NTRK3: variants seen among roughly 807,000 people sequenced by gnomAD.
The protein encoded by NTRK3 is neurotrophic receptor tyrosine kinase 3.
Under a neutral mutation model 91.7 loss-of-function variants are expected in NTRK3, and 24 were observed. The observed-to-expected ratio is 0.26, with a 90% CI of 0.19 to 0.37. The LOEUF (loss-of-function observed/expected upper bound fraction) is 0.37, where lower values mean the gene tolerates loss of function less well. NTRK3 is among the 10% of genes least tolerant of loss of function. NTRK3 has a pLI of 1.00. For missense variants in NTRK3, 880 were observed against 1,068.9 expected (o/e 0.82, Z 2.46); for synonymous variants, 483 against 404.0 (o/e 1.20, Z -2.34).
chr15:88,184,181 C>T, intron 4 of NTRK3, 44 bp downstream of exon 4: 1 of 1,595,464 alleles, frequency 6.3e-7, no homozygotes, highest in Non-Finnish European at 8.6e-7. Context: ...GTGGCATCCA[C>T]CCCTTCCACA....
chr15:88,089,673 A>C (rs895605090), intron 13 of NTRK3, among the ~76,000 whole-genome samples: 10 of 152,046 alleles, frequency 6.6e-5, no homozygotes, highest in African/African-American at 2.4e-4. Context: ...CAGCCTCCTG[A>C]CCCTCCTTCC....
intron 13 of NTRK3, among the ~76,000 whole-genome samples, chr15:88,063,626 G>A (rs2046401341): frequency 6.6e-6 from 1 of 152,192 alleles, no homozygotes; most frequent in Non-Finnish European, 1.5e-5. Flanking sequence ...CAGTGAGTGT[G>A]TCCATCACAT....
intron 13 of NTRK3, among the ~76,000 whole-genome samples, chr15:88,106,292 T>C (rs140332301): frequency 6.6e-6 from 1 of 152,316 alleles, no homozygotes; most frequent in East Asian, 1.9e-4. Context: ...GCTGAAAACA[T>C]GCACAGAGGG....
At chr15:87,978,242 G>T (rs2073900425) in intron 14 of NTRK3, 1 of 231,020 alleles carries the variant, frequency 4.3e-6, no homozygotes, top group African/African-American at 2.2e-5. Flanking sequence ...TTGGGAGAGG[G>T]TGGCCATGGA....
chr15:88,249,684 T>C (rs1010019332), intron 3 of NTRK3, among the ~76,000 whole-genome samples: 1 of 152,140 alleles, frequency 6.6e-6, no homozygotes, highest in African/African-American at 2.4e-5. Context: ...CACTGGGCCC[T>C]GAGCTTTGGT....
intron 5 of NTRK3, among the ~76,000 whole-genome samples, chr15:88,164,024 C>T (rs1271096442): frequency 1.3e-5 from 2 of 152,204 alleles, no homozygotes; most frequent in Non-Finnish European, 2.9e-5. Context: ...AATCATTCAA[C>T]ACTAATTAGG....
chr15:88,182,590 C>T (rs530538864), intron 5 of NTRK3, among the ~76,000 whole-genome samples: 2 of 152,310 alleles, frequency 1.3e-5, no homozygotes, highest in South Asian at 4.1e-4. Flanking sequence ...TCTTTGGGAA[C>T]ATGCCCAAAG....
At position 88,235,857 on chromosome 15, in the gene NTRK3, C is replaced by T. The variant is rs577021276; in HGVS notation, c.248+20049G>A. ...AACAGGATCCCAGCTCTGCCACCTA[C>T]CAGTTGGATGACCTTGAACAAGTGA... is the stretch of plus-strand genomic sequence containing the variant. On this transcript the variant is annotated intron_variant, in intron 3 of 18. Coordinates refer to ENST00000394480, the Ensembl canonical transcript of NTRK3. This position sits in a 1 kb window ranked among gnomAD's most constrained non-coding sequence, Gnocchi z 5.2. Among the ~76,000 whole-genome samples the T allele has an allele frequency of 2.0e-5, 3 of 152,332 alleles. No homozygotes were observed. The East Asian group carries it at 5.8e-4, about 29-fold the overall frequency.
chr15:88,034,698 T>C (rs1205003583), intron 13 of NTRK3, among the ~76,000 whole-genome samples: 1 of 152,182 alleles, frequency 6.6e-6, no homozygotes, highest in Non-Finnish European at 1.5e-5. Context: ...GAGGCAGAAC[T>C]AAATGGGAGA....
intron 13 of NTRK3, among the ~76,000 whole-genome samples, chr15:88,092,266 C>G (rs77886232): frequency 0.024 from 3,635 of 152,276 alleles, 127 homozygotes; most frequent in African/African-American, 0.081. Flanking sequence ...GGCTGGGCCA[C>G]GTCTCTAGTC....
At chr15:87,977,196 T>A (rs959899730) in intron 14 of NTRK3, among the ~76,000 whole-genome samples, 1 of 152,194 alleles carries the variant, frequency 6.6e-6, no homozygotes, top group African/African-American at 2.4e-5. Context: ...AGACTCTCAA[T>A]GAAAGCAACC....
chr15:87,896,121 A>G (rs1256809469), intron 17 of NTRK3, among the ~76,000 whole-genome samples: 4 of 152,178 alleles, frequency 2.6e-5, no homozygotes. Context: ...GGACCTCATG[A>G]GGGCTGTGTC....
At chr15:88,071,422 T>C (rs889574830) in intron 13 of NTRK3, among the ~76,000 whole-genome samples, 2 of 152,270 alleles carry the variant, frequency 1.3e-5, no homozygotes, top group African/African-American at 4.8e-5. Context: ...CAGTCTCACT[T>C]GGCCAAGGCC....
At chr15:88,221,765 G>A (rs908986997) in intron 3 of NTRK3, among the ~76,000 whole-genome samples, 7 of 152,240 alleles carry the variant, frequency 4.6e-5, no homozygotes, top group Middle Eastern at 6.3e-3. Flanking sequence ...TGAATGGGGA[G>A]GTGGGAGGGG....
rs2052384141 is a variant in NTRK3, at chr15:88,241,847, C to A, written c.248+14059G>T. Among the ~76,000 whole-genome samples, 1 of 152,194 alleles carries A rather than the reference C, an allele frequency of 6.6e-6. No homozygotes were observed. Among genetic ancestry groups the A allele is most frequent in the Non-Finnish European group, 1.5e-5 (1 of 68,026 alleles). On this transcript the variant is annotated intron_variant, in intron 3 of 18. Coordinates refer to ENST00000394480, the Ensembl canonical transcript of NTRK3. The surrounding 1 kb of genome is among the most constrained non-coding windows in gnomAD (Gnocchi z 4.3). ...ACTCTCAGCAAAGCTTGGCCCACCTCCCCTCTCCAGAGGTCGATTTCCAGG... is the reference window on the plus strand; with the variant it reads ...ACTCTCAGCAAAGCTTGGCCCACCTACCCTCTCCAGAGGTCGATTTCCAGG...
chr15:88,045,858 C>G (rs1392464060), intron 13 of NTRK3, among the ~76,000 whole-genome samples: 1 of 152,250 alleles, frequency 6.6e-6, no homozygotes, highest in Non-Finnish European at 1.5e-5. Context: ...GTCTCTTCTC[C>G]TCTTTTTATA....
chr15:88,152,027 G>A (rs1036970518), intron 5 of NTRK3, among the ~76,000 whole-genome samples: 67 of 152,212 alleles, frequency 4.4e-4, no homozygotes, highest in African/African-American at 1.2e-3. Context: ...CCAGCCGGGC[G>A]CCGTGGCTCA....
chr15:88,071,076 T>C (rs560968037), intron 13 of NTRK3, among the ~76,000 whole-genome samples: 35 of 152,356 alleles, frequency 2.3e-4, no homozygotes, highest in African/African-American at 8.2e-4. Context: ...GCATTCTTCA[T>C]GTCCTAACTC....
chr15:88,126,203 G>A, intron 13 of NTRK3, 68 bp downstream of exon 13: 23 of 1,185,278 alleles, frequency 1.9e-5, no homozygotes, highest in Non-Finnish European at 2.6e-5. Flanking sequence ...GATTAAAACA[G>A]TATCTTTTGA....
Sources: allele counts gnomAD v4.1 joint callset (sites outside exome capture counted in the v4.1 genomes callset), GRCh38; gene constraint gnomAD v4.1.1; non-coding constraint Gnocchi (gnomAD v3.1); transcripts MANE v1.5; gene names NCBI Gene and HGNC (gene_info 2026-07-23, HGNC 2026-07-21).